TASP1: variants seen among roughly 807,000 people sequenced by gnomAD.
TASP1 encodes threonine aspartase 1.
In TASP1, 16 loss-of-function variants were observed where a neutral mutation model predicts 56.6. The observed-to-expected ratio is 0.28, with a 90% CI of 0.19 to 0.43. The LOEUF (loss-of-function observed/expected upper bound fraction) is 0.43. Ranked by LOEUF, TASP1 falls within the 20% of genes least tolerant of loss-of-function variation. TASP1 has a pLI of 1.00. For synonymous variants in TASP1, 179 were observed against 184.2 expected (o/e 0.97, Z 0.23); for missense variants, 393 against 511.6 (o/e 0.77, Z 2.24).
chr20:13,426,539 C>G (rs151021073), intron 12 of TASP1, among the ~76,000 whole-genome samples: 1 of 151,448 alleles, frequency 6.6e-6, no homozygotes, highest in Non-Finnish European at 1.5e-5. Flanking sequence ...ATTAGTGATA[C>G]AATATATAGA....
At chr20:13,389,198 A>T (rs1436970492), downstream of TASP1, among the ~76,000 whole-genome samples, 1 of 152,192 alleles carries the variant, frequency 6.6e-6, no homozygotes, top group Non-Finnish European at 1.5e-5. Flanking sequence ...TGTTATTTTT[A>T]TCAAATTGCA....
the TASP1 span, among the ~76,000 whole-genome samples, chr20:13,188,100 C>T: frequency 6.6e-6 from 1 of 152,052 alleles, no homozygotes; most frequent in Non-Finnish European, 1.5e-5. Context: ...CTCATCAGAT[C>T]AAAGGAGGAA....
chr20:13,599,962 C>A (rs1184431945), intron 4 of TASP1, among the ~76,000 whole-genome samples: 1 of 151,898 alleles, frequency 6.6e-6, no homozygotes, highest in African/African-American at 2.4e-5. Flanking sequence ...GATACAAGAT[C>A]AATATATAAA....
the TASP1 span, among the ~76,000 whole-genome samples, chr20:13,182,185 T>C: frequency 1.3e-5 from 2 of 152,194 alleles, no homozygotes; most frequent in Admixed American, 6.5e-5. Context: ...ATATTCCGTC[T>C]TTCCTTCATT....
the TASP1 span, among the ~76,000 whole-genome samples, chr20:13,373,983 A>C: frequency 6.6e-6 from 1 of 151,898 alleles, no homozygotes; most frequent in East Asian, 1.9e-4. Context: ...CAGTCTATCA[A>C]ATTTGCTTAT....
At chr20:13,409,368 T>C (rs1444515032) in intron 13 of TASP1, among the ~76,000 whole-genome samples, 1 of 152,034 alleles carries the variant, frequency 6.6e-6, no homozygotes, top group Non-Finnish European at 1.5e-5. Flanking sequence ...TGACTACAGA[T>C]TTGTCTATTA....
rs779329440 is a variant in TASP1, at chr20:13,580,984, A to AT, written c.404-4dup. ...AACCGAGACTGGGTTCTTGATTCCT[A>AT]TAAAAAAAAAAAAAAAATTGGCAAA... On this transcript the variant is annotated splice_region_variant and splice_polypyrimidine_tract_variant and intron_variant, in intron 5 of 13. Transcript: ENST00000337743. 7.9e-5 allele frequency: 125 copies of AT among 1,573,630 alleles called. No homozygotes were observed. Among genetic ancestry groups the AT allele is most frequent in the Non-Finnish European group, 7.2e-5 (84 of 1,161,606 alleles).
chr20:13,297,330 G>T, the TASP1 span, among the ~76,000 whole-genome samples: 14 of 152,186 alleles, frequency 9.2e-5, no homozygotes, highest in Admixed American at 7.9e-4. Context: ...CGGTTTCCCA[G>T]ATCCCAGTGG....
rs74746255 is a variant in TASP1, at chr20:13,433,520, C to CAAAAAAAAAAAAA, written c.1096+1511_1096+1523dup. 1.7e-3 allele frequency among the ~76,000 whole-genome samples: 150 copies of CAAAAAAAAAAAAA among 89,182 alleles called. 9 individuals are homozygous for CAAAAAAAAAAAAA. The highest frequency in any genetic ancestry group is 6.7e-3 in the African/African-American group (140 of 20,962). 58.5% of individuals were successfully genotyped at this position (89,182 alleles called of 152,430 possible). ...CAGAGGGTAGAAGGAGACAGTATGG[C>CAAAAAAAAAAAAA]AAAAAAAAAAAAAAAAAAAAATACA... On this transcript the variant is annotated intron_variant, in intron 12 of 13. Coordinates refer to ENST00000337743, the MANE Select transcript of TASP1 (RefSeq NM_017714.3).
At chr20:13,322,607 G>T in the TASP1 span, among the ~76,000 whole-genome samples, 4 of 152,162 alleles carry the variant, frequency 2.6e-5, no homozygotes, top group African/African-American at 9.7e-5. Context: ...CCCTTTTCCT[G>T]CTCAAACAGA....
chr20:13,584,523 A>G (rs556921429), intron 5 of TASP1, among the ~76,000 whole-genome samples: 2 of 119,736 alleles, frequency 1.7e-5, no homozygotes, highest in Non-Finnish European at 3.6e-5. Flanking sequence ...AACTAAAATT[A>G]AAACTAATTA....
intron 10 of TASP1, among the ~76,000 whole-genome samples, chr20:13,501,525 T>C (rs1048389200): frequency 2.0e-5 from 3 of 151,990 alleles, no homozygotes; most frequent in Non-Finnish European, 4.4e-5. Context: ...AAATTAATGA[T>C]GTATATTATA....
chr20:13,539,480 T>A (rs1299736298), intron 8 of TASP1, among the ~76,000 whole-genome samples: 1 of 151,716 alleles, frequency 6.6e-6, no homozygotes, highest in East Asian at 1.9e-4. Flanking sequence ...TGCCCAGGAG[T>A]GCAAGGCTAT....
chr20:13,607,531 A>G (rs530913628), intron 4 of TASP1, among the ~76,000 whole-genome samples: 1 of 152,348 alleles, frequency 6.6e-6, no homozygotes, highest in African/African-American at 2.4e-5. Context: ...TACAAAAACT[A>G]GACTGGCACA....
At chr20:13,516,605 C>T (rs977700646) in intron 10 of TASP1, among the ~76,000 whole-genome samples, 3 of 150,440 alleles carry the variant, frequency 2.0e-5, no homozygotes, top group African/African-American at 7.3e-5. Flanking sequence ...GGGAGAACTA[C>T]ATCAAGGATG....
In TASP1 at chr20:13,482,751, GT is replaced by G. The variant is rs2043185104; in HGVS notation, c.985+475del. 2.0e-5 allele frequency among the ~76,000 whole-genome samples: 3 copies of G among 152,090 alleles called. No homozygotes were observed. The South Asian group carries it at 6.2e-4, about 32-fold the overall frequency. On this transcript the variant is annotated intron_variant, in intron 11 of 13. Coordinates refer to ENST00000337743, the MANE Select transcript of TASP1 (RefSeq NM_017714.3). ...ATATGCTATTAAGCCGATGAATTTG[GT>G]TTTCTTTTAAAACAGCATTCAACAA... is the stretch of plus-strand genomic sequence containing the variant.
At chr20:13,613,236 A>C (rs2048409801) in intron 4 of TASP1, among the ~76,000 whole-genome samples, 1 of 152,178 alleles carries the variant, frequency 6.6e-6, no homozygotes, top group African/African-American at 2.4e-5. Context: ...AACTGCAGCT[A>C]ATTGGAAGTC....
downstream of TASP1, among the ~76,000 whole-genome samples, chr20:13,385,961 A>G (rs1401337539): frequency 1.3e-5 from 2 of 152,194 alleles, no homozygotes. Flanking sequence ...TGTGGGGGAT[A>G]CTAAAACAGT....
intron 10 of TASP1, among the ~76,000 whole-genome samples, chr20:13,512,398 T>C (rs918362146): frequency 1.3e-5 from 2 of 152,350 alleles, no homozygotes; most frequent in South Asian, 4.1e-4. Context: ...GCTGCATAAA[T>C]GTCTTCTTTT....
Sources: gnomAD v4.1 joint callset for allele counts (sites outside exome capture counted in the v4.1 genomes callset) on GRCh38, gnomAD v4.1.1 for gene constraint, MANE v1.5 for transcripts, NCBI Gene and HGNC (gene_info 2026-07-23, HGNC 2026-07-21) for gene names.